MRPL1: variants seen among roughly 807,000 people sequenced by gnomAD.
The protein encoded by MRPL1 is mitochondrial ribosomal protein L1, also known as large ribosomal subunit protein uL1m.
Under a neutral mutation model 38.0 loss-of-function variants are expected in MRPL1, and 28 were observed. The observed-to-expected ratio is 0.74, with a 90% CI of 0.55 to 1.01. The LOEUF (loss-of-function observed/expected upper bound fraction) is 1.01. Ranked by LOEUF, MRPL1 falls within the 50% of genes least tolerant of loss-of-function variation. The pLI, the probability that MRPL1 is intolerant of heterozygous loss-of-function variation, is 0.00. For missense variants in MRPL1, 358 were observed against 389.8 expected, an observed-to-expected ratio of 0.92 and a Z score of 0.69; for synonymous variants, 123 against 126.7, an observed-to-expected ratio of 0.97 and a Z score of 0.20.
chr4:77,865,726 G>A (rs895376952), intron 1 of MRPL1, among the ~76,000 whole-genome samples: 11 of 152,164 alleles, frequency 7.2e-5, no homozygotes, highest in Middle Eastern at 3.4e-3. Flanking sequence ...TTGGCTTTAC[G>A]CTTAAAATAA....
intron 7 of MRPL1, among the ~76,000 whole-genome samples, chr4:77,924,547 C>G (rs1419811971): frequency 1.3e-5 from 2 of 152,154 alleles, no homozygotes; most frequent in Admixed American, 6.6e-5. Flanking sequence ...CCCCTTCTCA[C>G]AAAGCAGTCC....
chr4:77,906,363 C>CT (rs929171624), intron 6 of MRPL1, among the ~76,000 whole-genome samples: 75 of 144,642 alleles, frequency 5.2e-4, no homozygotes, highest in East Asian at 2.4e-3. Flanking sequence ...ATAGAGATGG[C>CT]TTTTTTTTTT....
chr4:77,888,809 C>T (rs534378448), intron 5 of MRPL1, among the ~76,000 whole-genome samples: 227 of 152,192 alleles, frequency 1.5e-3, no homozygotes, highest in Non-Finnish European at 2.8e-3. Context: ...GTGTGCTGCA[C>T]CCATTAACTC....
intron 6 of MRPL1, among the ~76,000 whole-genome samples, chr4:77,905,232 C>T (rs1736127298): frequency 6.6e-6 from 1 of 152,104 alleles, no homozygotes; most frequent in Admixed American, 6.5e-5. Context: ...CGCAGTGACT[C>T]ATGCCTGTAA....
At chr4:77,908,139 T>C (rs1423609026) in intron 6 of MRPL1, among the ~76,000 whole-genome samples, 2 of 152,064 alleles carry the variant, frequency 1.3e-5, no homozygotes, top group African/African-American at 4.8e-5. Context: ...CACTATGATA[T>C]TGTTTCCACT....
chr4:77,874,838 A>G (rs112522390), intron 2 of MRPL1, among the ~76,000 whole-genome samples: 10,510 of 148,482 alleles, frequency 0.071, 596 homozygotes, highest in African/African-American at 0.16. Context: ...CTGGAGTGCA[A>G]TGGTGCAATC....
intron 7 of MRPL1, among the ~76,000 whole-genome samples, chr4:77,928,464 T>C (rs781059552): frequency 6.6e-5 from 10 of 152,358 alleles, no homozygotes; most frequent in Admixed American, 6.5e-5. Flanking sequence ...TTCCTCCTTT[T>C]CCCTTATTCC....
At chr4:77,896,129 T>C (rs574946737) in intron 6 of MRPL1, among the ~76,000 whole-genome samples, 1 of 151,688 alleles carries the variant, frequency 6.6e-6, no homozygotes, top group South Asian at 2.1e-4. Context: ...ATCCATTCTC[T>C]CTGTAACCCT....
intron 7 of MRPL1, among the ~76,000 whole-genome samples, chr4:77,921,551 G>C (rs185463130): frequency 7.2e-4 from 110 of 152,202 alleles, no homozygotes; most frequent in African/African-American, 2.5e-3. Context: ...GCTTTTATAG[G>C]AACAAGAGGT....
Position 77,907,752 on chromosome 4 carries a change from C to T in MRPL1, c.671-1514C>T, listed in dbSNP as rs183927996. ...CTGATTTTTGTATTTTTAGTAGAGA[C>T]GGGGTTTCGCCGTGTTGGCCAGGCT... On this transcript the variant is annotated intron_variant, in intron 6 of 8. Coordinates refer to ENST00000315567, the MANE Select transcript of MRPL1 (RefSeq NM_020236.4). Among the ~76,000 whole-genome samples the T allele has an allele frequency of 2.0e-4, 31 of 152,132 alleles. No homozygotes were observed. In the East Asian group the frequency reaches 4.6e-3, roughly 23 times the overall value.
At chr4:77,890,303 T>C (rs1305332537) in intron 5 of MRPL1, among the ~76,000 whole-genome samples, 3 of 152,216 alleles carry the variant, frequency 2.0e-5, no homozygotes, top group Admixed American at 6.5e-5. Context: ...CAAGTGGGCT[T>C]CATCCCTGGG....
chr4:77,867,974 T>C (rs28855210), intron 1 of MRPL1, among the ~76,000 whole-genome samples: 115,259 of 151,586 alleles, frequency 0.76, 44,440 homozygotes, highest in African/African-American at 0.88. Flanking sequence ...GCCAGGATGG[T>C]CTTGATCTCC....
At chr4:77,887,615 T>A (rs1735712113) in intron 5 of MRPL1, among the ~76,000 whole-genome samples, 1 of 152,110 alleles carries the variant, frequency 6.6e-6, no homozygotes, top group Admixed American at 6.6e-5. Context: ...AGCCTTGAAC[T>A]CCTGAGCTCA....
At chr4:77,902,978 T>G (rs1032438267) in intron 6 of MRPL1, among the ~76,000 whole-genome samples, 15 of 152,122 alleles carry the variant, frequency 9.9e-5, no homozygotes, top group South Asian at 6.2e-4. Flanking sequence ...AAATAGTGAG[T>G]AAAGAACATT....
intron 7 of MRPL1, among the ~76,000 whole-genome samples, chr4:77,916,056 TC>T (rs1197760195): frequency 6.6e-6 from 1 of 152,052 alleles, no homozygotes; most frequent in Non-Finnish European, 1.5e-5. Flanking sequence ...TCAACCTTTT[TC>T]CCCCAATGGC....
rs565788562 is a variant in MRPL1, at chr4:77,932,820, C to T, written c.778-16977C>T. Among the ~76,000 whole-genome samples the T allele has an allele frequency of 2.6e-5, 4 of 151,836 alleles. 1 individual carries two copies. Among genetic ancestry groups the T allele is most frequent in the South Asian group, 4.2e-4 (2 of 4,800 alleles). On this transcript the variant is annotated intron_variant, in intron 7 of 8. Transcript: ENST00000315567. ...AATCATCCTGAACCTCCCACCCCCACCGCACTGGAAAAACTGTCTTCTACA... is the reference window on the plus strand; with the variant it reads ...AATCATCCTGAACCTCCCACCCCCATCGCACTGGAAAAACTGTCTTCTACA...
At chr4:77,903,793 C>A (rs1338660965) in intron 6 of MRPL1, among the ~76,000 whole-genome samples, 1 of 151,878 alleles carries the variant, frequency 6.6e-6, no homozygotes. Flanking sequence ...AGGGATATAC[C>A]ATAGTAGTGG....
intron 3 of MRPL1, 85 bp downstream of exon 3, chr4:77,883,585 T>C: frequency 7.4e-7 from 1 of 1,343,838 alleles, no homozygotes; most frequent in Non-Finnish European, 1.0e-6. Flanking sequence ...ATTGTTATTA[T>C]TATTTTTGAG....
intron 7 of MRPL1, among the ~76,000 whole-genome samples, chr4:77,932,267 G>A (rs1578059856): frequency 6.6e-6 from 1 of 152,154 alleles, no homozygotes; most frequent in Non-Finnish European, 1.5e-5. Flanking sequence ...AACAATAGCA[G>A]AGATTTTTAA....
Sources: allele counts gnomAD v4.1 joint callset (sites outside exome capture counted in the v4.1 genomes callset), GRCh38; gene constraint gnomAD v4.1.1; transcripts MANE v1.5; gene names NCBI Gene and HGNC (gene_info 2026-07-23, HGNC 2026-07-21).